Variants in ONECUT2 observed in about 807,000 individuals in gnomAD.
ONECUT2 encodes one cut homeobox 2.
In ONECUT2, 10 loss-of-function variants were observed where a neutral mutation model predicts 27.9. The observed-to-expected ratio is 0.36, with a 90% CI of 0.22 to 0.61. The LOEUF (loss-of-function observed/expected upper bound fraction) is 0.61. Among genes scored for constraint, ONECUT2 ranks in the 20% least tolerant of loss-of-function variants. The probability of loss-of-function intolerance (pLI) is 0.73; values close to 1 mark genes in which losing one functional copy is unlikely to be tolerated. For synonymous variants in ONECUT2, 334 were observed against 315.1 expected (o/e 1.06, Z -0.64); for missense variants, 686 against 721.0 (o/e 0.95, Z 0.56).
intron 1 of ONECUT2, among the ~76,000 whole-genome samples, chr18:57,471,390 T>G (rs932693187): frequency 6.6e-6 from 1 of 152,094 alleles, no homozygotes; most frequent in African/African-American, 2.4e-5. Context: ...TGGAGAGACA[T>G]TCTCTCTCTC....
In ONECUT2 at chr18:57,478,292, GC is replaced by G; in HGVS notation, c.*1573del. 6.6e-6 allele frequency: 1 copy of G among 152,588 alleles called. No homozygotes were observed. The allele number at this position is 152,588 out of a possible 1,614,324, so 9.5% of individuals were successfully genotyped here. ...CAATGTGCATATTTACCAGTGAATGGCCCCGGGTGGGGCCACGTGGGGGTGT... is the reference window on the plus strand; with the variant it reads ...CAATGTGCATATTTACCAGTGAATGGCCCGGGTGGGGCCACGTGGGGGTGT... On this transcript the variant is annotated 3_prime_UTR_variant, in exon 2 of 2. Coordinates refer to ENST00000491143, the MANE Select transcript of ONECUT2 (RefSeq NM_004852.3).
In ONECUT2 at chr18:57,471,352, G is replaced by T. The variant is rs138270256; in HGVS notation, c.1229-5085G>T. ...GGCCCACATGGAGTTGGGTTGGGAT[G>T]GGGAAGGCATGGAGAAAGGGTCAGT... On this transcript the variant is annotated intron_variant, in intron 1 of 1. Coordinates refer to ENST00000491143, the MANE Select transcript of ONECUT2 (RefSeq NM_004852.3). 1.1e-3 allele frequency among the ~76,000 whole-genome samples: 170 copies of T among 152,334 alleles called. 3 individuals are homozygous for T. The South Asian group carries it at 0.032, about 29-fold the overall frequency.
chr18:57,475,463 G>C (rs2050377079), intron 1 of ONECUT2, among the ~76,000 whole-genome samples: 1 of 151,738 alleles, frequency 6.6e-6, no homozygotes, highest in Non-Finnish European at 1.5e-5. Flanking sequence ...TGTCTGTGAA[G>C]TGTACAGATT....
chr18:57,444,261 T>C lies in ONECUT2; in HGVS notation c.1228+7317T>C, dbSNP rs930353542. The C allele has an allele frequency of 2.5e-5, 11 of 434,566 alleles. No individual in the cohort carries two copies. The East Asian group carries it at 4.2e-4, about 17-fold the overall frequency. The allele number at this position is 434,566 out of a possible 1,614,324, so 26.9% of individuals were successfully genotyped here. Reference sequence around the variant, plus strand: ...TCTGTGCAATCAGCCTTGGAGATGGTTAAGGATAGGAAACTAGGTTGACTG... The same window carrying C: ...TCTGTGCAATCAGCCTTGGAGATGGCTAAGGATAGGAAACTAGGTTGACTG... On this transcript the variant is annotated intron_variant, in intron 1 of 1. Transcript: ENST00000491143.
chr18:57,456,522 T>C (rs982309579), intron 1 of ONECUT2, among the ~76,000 whole-genome samples: 8 of 152,222 alleles, frequency 5.3e-5, no homozygotes, highest in South Asian at 2.1e-4. Flanking sequence ...ATTTCACTTA[T>C]ATGAAGTGTC....
rs1480724297 is a variant in ONECUT2, at chr18:57,485,844, G to A, written c.*9121G>A. On this transcript the variant is annotated 3_prime_UTR_variant, in exon 2 of 2. Coordinates refer to ENST00000491143, the MANE Select transcript of ONECUT2 (RefSeq NM_004852.3). ...TTTTCAAGCACCATCCTATGTGAAA[G>A]TTCCCTCCTGTCCAAACAAGCTCAA... The A allele has an allele frequency of 6.6e-6, 1 of 152,218 alleles. No homozygotes were observed. The highest frequency in any genetic ancestry group is 1.5e-5 in the Non-Finnish European group (1 of 68,062). The allele number at this position is 152,218 out of a possible 1,614,324, so 9.4% of individuals were successfully genotyped here.
intron 1 of ONECUT2, among the ~76,000 whole-genome samples, chr18:57,457,368 C>G (rs1344569127): frequency 6.6e-6 from 1 of 152,158 alleles, no homozygotes; most frequent in East Asian, 1.9e-4. Context: ...AACCACCTTC[C>G]CTACTCTATG....
At chr18:57,471,628 T>C (rs664022) in intron 1 of ONECUT2, among the ~76,000 whole-genome samples, 98,365 of 151,938 alleles carry the variant, frequency 0.65, 33,577 homozygotes, top group Middle Eastern at 0.81. Context: ...GGAACCTATA[T>C]TTTTAGGCAG....
At position 57,435,776 on chromosome 18, in the gene ONECUT2, G is replaced by C. The variant is rs1050068839; in HGVS notation, c.60G>C (p.Met20Ile). 1.6e-6 allele frequency: 2 copies of C among 1,265,714 alleles called. No homozygotes were observed. Among genetic ancestry groups the C allele is most frequent in the African/African-American group, 3.2e-5 (2 of 62,508 alleles). 78.4% of individuals were successfully genotyped at this position (1,265,714 alleles called of 1,614,324 possible). A position where few individuals can be genotyped will look rare whatever the true frequency, so the allele number is the denominator to read the frequency against. ...CCAAAGACCTAGAAGGCTGCGCCATGAACCCGGAGCTGACAATGGAAAGTC... is the reference window on the plus strand; with the variant it reads ...CCAAAGACCTAGAAGGCTGCGCCATCAACCCGGAGCTGACAATGGAAAGTC... ...CLTKDLEGCA[M>I]NPELTMESLG... is the part of the protein sequence containing the mutation. Residue 20 changes from methionine (M) to isoleucine (I), a missense_variant, in exon 1 of 2, where the codon ATG (methionine) becomes ATC (isoleucine). By Grantham distance (10) the Met-to-Ile change is conservative (BLOSUM62 1). This residue lies in a region of ONECUT2 where 511 missense variants were observed against 488.1 expected (regional missense o/e 1.05). Transcript: ENST00000491143.
At chr18:57,453,841 A>C (rs2050244375) in intron 1 of ONECUT2, among the ~76,000 whole-genome samples, 1 of 152,172 alleles carries the variant, frequency 6.6e-6, no homozygotes, top group Non-Finnish European at 1.5e-5. Context: ...TCCTGTGTAC[A>C]TCTTTGGAAA....
chr18:57,453,725 C>T (rs1012302666), intron 1 of ONECUT2, among the ~76,000 whole-genome samples: 2 of 152,312 alleles, frequency 1.3e-5, no homozygotes, highest in Admixed American at 6.5e-5. Context: ...CAGCTCACAG[C>T]GGCTAGCTTT....
chr18:57,478,855 A>G lies in ONECUT2; in HGVS notation c.*2132A>G, dbSNP rs944332216. ...GCCATTGAACTGTATAAAGGTAATC[A>G]ATTATGTTTCTCTGAGCAACAAAAG... On this transcript the variant is annotated 3_prime_UTR_variant, in exon 2 of 2. Coordinates refer to ENST00000491143, the MANE Select transcript of ONECUT2 (RefSeq NM_004852.3). 6.6e-6 allele frequency: 1 copy of G among 152,380 alleles called. No individual in the cohort carries two copies. The highest frequency in any genetic ancestry group is 1.5e-5 in the Non-Finnish European group (1 of 68,032). 9.4% of individuals were successfully genotyped at this position (152,380 alleles called of 1,614,324 possible). A position where few individuals can be genotyped will look rare whatever the true frequency, so the allele number is the denominator to read the frequency against.
At chr18:57,452,863 T>C (rs2050238638) in intron 1 of ONECUT2, among the ~76,000 whole-genome samples, 1 of 152,236 alleles carries the variant, frequency 6.6e-6, no homozygotes, top group Non-Finnish European at 1.5e-5. Flanking sequence ...TCTCAATTAT[T>C]TTGTGTTAAG....
intron 1 of ONECUT2, among the ~76,000 whole-genome samples, chr18:57,454,643 C>T (rs1321012528): frequency 1.3e-5 from 2 of 152,158 alleles, no homozygotes; most frequent in East Asian, 3.8e-4. Context: ...ACATGGGCCA[C>T]ATCTGTACTT....
intron 1 of ONECUT2, among the ~76,000 whole-genome samples, chr18:57,467,418 C>A (rs982606735): frequency 1.3e-5 from 2 of 151,766 alleles, no homozygotes; most frequent in Non-Finnish European, 2.9e-5. Flanking sequence ...CAGGCGGGAG[C>A]GCAATGGCGT....
intron 1 of ONECUT2, among the ~76,000 whole-genome samples, chr18:57,461,538 T>C (rs1375448161): frequency 6.6e-6 from 1 of 152,110 alleles, no homozygotes; most frequent in African/African-American, 2.4e-5. Context: ...CAGAAAACAC[T>C]AGTAAAAGAG....
Position 57,435,827 on chromosome 18 carries a change from C to T in ONECUT2, c.111C>T (p.Gly37=), listed in dbSNP as rs1598926399. The T allele has an allele frequency of 2.7e-6, 3 of 1,099,452 alleles. No homozygotes were observed. Among genetic ancestry groups the T allele is most frequent in the Non-Finnish European group, 3.4e-6 (3 of 885,940 alleles). The allele number at this position is 1,099,452 out of a possible 1,614,324, so 68.1% of individuals were successfully genotyped here. Residue 37 remains glycine (G), a synonymous_variant, in exon 1 of 2, where the codon GGC becomes GGT. Coordinates refer to ENST00000491143, the MANE Select transcript of ONECUT2 (RefSeq NM_004852.3). ...TGGGCACTTTGCACGGGCCGGCCGG[C>T]GGCGGCAGTGGCGGGGGCGGCGGCG... ...ESLGTLHGPA[G]GGSGGGGGGG...
chr18:57,473,641 T>C (rs939800020), intron 1 of ONECUT2, among the ~76,000 whole-genome samples: 38 of 152,162 alleles, frequency 2.5e-4, no homozygotes, highest in African/African-American at 8.7e-4. Context: ...ACCAGCAGCA[T>C]CAGCATCACC....
Position 57,486,671 on chromosome 18 carries a change from A to C in ONECUT2, c.*9948A>C, listed in dbSNP as rs2050440157. 1 of 152,668 alleles carries C rather than the reference A, an allele frequency of 6.6e-6. No individual in the cohort carries two copies. Among genetic ancestry groups the C allele is most frequent in the Non-Finnish European group, 1.5e-5 (1 of 68,038 alleles). 9.5% of individuals were successfully genotyped at this position (152,668 alleles called of 1,614,324 possible). A position where few individuals can be genotyped will look rare whatever the true frequency, so the allele number is the denominator to read the frequency against. On this transcript the variant is annotated 3_prime_UTR_variant, in exon 2 of 2. Coordinates refer to ENST00000491143, the MANE Select transcript of ONECUT2 (RefSeq NM_004852.3). ...TTGTGCTTTTGTAATAGATGAAAAA[A>C]GGTGCGCTTAAAAAGAAAATGTATG...
Sources: allele counts gnomAD v4.1 joint callset (sites outside exome capture counted in the v4.1 genomes callset), GRCh38; gene constraint gnomAD v4.1.1; regional missense constraint gnomAD v4.1.1; transcripts MANE v1.5; gene names NCBI Gene and HGNC (gene_info 2026-07-23, HGNC 2026-07-21).